XPOT: variants seen among roughly 807,000 people sequenced by gnomAD.
XPOT encodes the protein exportin-T.
In XPOT, 34 loss-of-function variants were observed where a neutral mutation model predicts 128.2. That is an observed-to-expected ratio of 0.27 (90% CI 0.20 to 0.35). XPOT has a LOEUF of 0.35. XPOT is among the 10% of genes least tolerant of loss of function. The pLI is 1.00. For missense variants in XPOT, 838 were observed against 1,125.3 expected (o/e 0.74, Z 3.65); for synonymous variants, 348 against 394.3 (o/e 0.88, Z 1.39).
chr12:64,440,479 A>G (rs1592340415), intron 23 of XPOT, among the ~76,000 whole-genome samples: 1 of 152,198 alleles, frequency 6.6e-6, no homozygotes, highest in African/African-American at 2.4e-5. Context: ...AATACCCAGA[A>G]GTGGGATTGC....
rs1400745318 is a variant in XPOT at position 64,423,177 on chromosome 12, C to A, written c.1120-5C>A. On this transcript the variant is annotated splice_region_variant and splice_polypyrimidine_tract_variant and intron_variant, in intron 10 of 24. Coordinates refer to ENST00000332707, the MANE Select transcript of XPOT (RefSeq NM_007235.6). ...AAACTCTTTTATTCTCAATTTTATT[C>A]TTAGGCAATCATGTTGGCCGTTATG... 9 of 1,600,150 alleles carry A rather than the reference C, an allele frequency of 5.6e-6. No individual in the cohort carries two copies. The highest frequency in any genetic ancestry group is 7.7e-6 in the Non-Finnish European group (9 of 1,175,752).
chr12:64,439,834 A>G (rs947748060), intron 23 of XPOT, among the ~76,000 whole-genome samples: 1 of 152,192 alleles, frequency 6.6e-6, no homozygotes, highest in African/African-American at 2.4e-5. Flanking sequence ...TTGGCATATA[A>G]TTTTCCAGAT....
Position 64,449,606 on chromosome 12 carries a change from A to G in XPOT, c.*1475A>G, listed in dbSNP as rs2040394171. Reference sequence around the variant, plus strand: ...ATTCTATTCTAAATTTTGTACATTTATTTTGTTCCGGTTAATTCCAGAAGA... The same window carrying G: ...ATTCTATTCTAAATTTTGTACATTTGTTTTGTTCCGGTTAATTCCAGAAGA... On this transcript the variant is annotated 3_prime_UTR_variant, in exon 25 of 25. Transcript: ENST00000332707. 1 of 152,210 alleles carries G rather than the reference A, an allele frequency of 6.6e-6. No individual in the cohort carries two copies. Among genetic ancestry groups the G allele is most frequent in the African/African-American group, 2.4e-5 (1 of 41,456 alleles). The allele number at this position is 152,210 out of a possible 1,614,324, so 9.4% of individuals were successfully genotyped here.
intron 23 of XPOT, among the ~76,000 whole-genome samples, chr12:64,439,873 G>A (rs1171472242): frequency 6.6e-6 from 1 of 152,196 alleles, no homozygotes; most frequent in Non-Finnish European, 1.5e-5. Context: ...TGGAGTTAAT[G>A]AAGTATCAAA....
chr12:64,439,861 CATGGAGTTA>C (rs1361551846), intron 23 of XPOT, among the ~76,000 whole-genome samples: 1 of 152,188 alleles, frequency 6.6e-6, no homozygotes, highest in African/African-American at 2.4e-5. Flanking sequence ...TCCAGTAGTA[CATGGAGTTA>C]ATGAAGTATC....
chr12:64,407,027 C>A (rs563307940), intron 1 of XPOT, among the ~76,000 whole-genome samples: 1 of 152,230 alleles, frequency 6.6e-6, no homozygotes, highest in Admixed American at 6.5e-5. Context: ...TGGTCTTTTT[C>A]CCATGTCATA....
chr12:64,445,794 C>A (rs1161300496), intron 24 of XPOT, among the ~76,000 whole-genome samples: 1 of 152,124 alleles, frequency 6.6e-6, no homozygotes, highest in Admixed American at 6.5e-5. Context: ...TACAGTGTGA[C>A]AAGGTGAATT....
Position 64,418,214 on chromosome 12 carries a change from TC to T in XPOT, c.270+101del, listed in dbSNP as rs568187099. 6 of 948,364 alleles carry T rather than the reference TC, an allele frequency of 6.3e-6. No homozygotes were observed. The East Asian group carries it at 1.3e-4, about 20-fold the overall frequency. The allele number at this position is 948,364 out of a possible 1,614,324, so 58.7% of individuals were successfully genotyped here. ...TTACCTCAAAGATTTTCATCAGTGT[TC>T]CTCCATTTGATTTCATAGCTTTTTT... On this transcript the variant is annotated intron_variant, in intron 5 of 24. Transcript: ENST00000332707.
At chr12:64,425,283 G>A in intron 13 of XPOT, 55 bp from the exon 14 acceptor site, 1 of 1,609,446 alleles carries the variant, frequency 6.2e-7, no homozygotes, top group South Asian at 1.1e-5. Context: ...TAATACCGGG[G>A]CATTTTGATG....
rs1211466458 is a variant in XPOT at position 64,419,074 on chromosome 12, G to A, written c.469G>A (p.Asp157Asn). The A allele has an allele frequency of 1.2e-6, 2 of 1,614,062 alleles. No individual in the cohort carries two copies. The highest frequency in any genetic ancestry group is 1.7e-5 in the Admixed American group (1 of 60,012). The change falls in exon 6 of 25, where the codon GAT (aspartate) becomes AAT (asparagine). Residue 157 changes from aspartate to asparagine, a missense_variant. By Grantham distance (23) the Asp-to-Asn change is conservative. Coordinates refer to ENST00000332707, the MANE Select transcript of XPOT (RefSeq NM_007235.6). ...TATTGATTCAGAGTTGGTGGATCGTGATGTGGTGCATACATCAGAGGCAAG... is the reference window on the plus strand; with the variant it reads ...TATTGATTCAGAGTTGGTGGATCGTAATGTGGTGCATACATCAGAGGCAAG... ...MAIDSELVDR[D>N]VVHTSEEARR...
intron 23 of XPOT, among the ~76,000 whole-genome samples, chr12:64,440,095 T>A (rs1338616307): frequency 6.6e-6 from 1 of 152,210 alleles, no homozygotes. Context: ...CTTGCATAAC[T>A]AAGACTTTAT....
At chr12:64,429,371 A>G (rs2040218161) in intron 16 of XPOT, among the ~76,000 whole-genome samples, 1 of 152,150 alleles carries the variant, frequency 6.6e-6, no homozygotes, top group African/African-American at 2.4e-5. Context: ...AAACACCCTT[A>G]CAGACACATG....
intron 3 of XPOT, among the ~76,000 whole-genome samples, chr12:64,415,353 A>G (rs568295626): frequency 4.0e-5 from 6 of 151,334 alleles, no homozygotes; most frequent in African/African-American, 1.4e-4. Context: ...TTAATTTTAA[A>G]ATTATTTATT....
chr12:64,431,712 A>G lies in XPOT; in HGVS notation c.2151A>G (p.Glu717=), dbSNP rs1439120559. Residue 717 remains glutamate, a synonymous_variant, in exon 18 of 25, where the codon GAA becomes GAG. Coordinates refer to ENST00000332707, the MANE Select transcript of XPOT (RefSeq NM_007235.6). ...ATCGAATGATTATTTGCCTGGAGGA[A>G]GAAGTTCTTCCGTTCATTCCATCTG... ...FLHRMIICLE[E]EVLPFIPSAS... 2.5e-6 allele frequency: 4 copies of G among 1,614,010 alleles called. No individual in the cohort carries two copies. The highest frequency in any genetic ancestry group is 2.5e-6 in the Non-Finnish European group (3 of 1,180,010).
At chr12:64,433,208 A>C (rs1160587387) in intron 18 of XPOT, among the ~76,000 whole-genome samples, 1 of 152,190 alleles carries the variant, frequency 6.6e-6, no homozygotes, top group African/African-American at 2.4e-5. Flanking sequence ...AGCCTCCCAA[A>C]GTGCTGGGAT....
chr12:64,438,140 G>T (rs182036407), intron 22 of XPOT, among the ~76,000 whole-genome samples: 39 of 152,268 alleles, frequency 2.6e-4, no homozygotes, highest in Non-Finnish European at 4.0e-4. Flanking sequence ...AGTAAGGATG[G>T]TATTTCTACT....
chr12:64,444,787 A>T (rs187070029), intron 23 of XPOT, among the ~76,000 whole-genome samples: 278 of 152,218 alleles, frequency 1.8e-3, no homozygotes, highest in African/African-American at 6.5e-3. Flanking sequence ...TAAGGTGATA[A>T]GTTTTAAGTG....
At chr12:64,426,964 CAA>C (rs1446549961) in intron 15 of XPOT, among the ~76,000 whole-genome samples, 1 of 151,080 alleles carries the variant, frequency 6.6e-6, no homozygotes, top group African/African-American at 2.4e-5. Context: ...GCCTGGGTGA[CAA>C]GAGTGAAACT....
At chr12:64,439,187 T>G in intron 22 of XPOT, 57 bp from the exon 23 acceptor site, 1 of 1,521,726 alleles carries the variant, frequency 6.6e-7, no homozygotes. Context: ...TTCCGATTCT[T>G]TTTAAGCTTA....
Sources: allele counts gnomAD v4.1 joint callset (sites outside exome capture counted in the v4.1 genomes callset), GRCh38; gene constraint gnomAD v4.1.1; transcripts MANE v1.5; gene names NCBI Gene and HGNC (gene_info 2026-07-23, HGNC 2026-07-21).